The following ANKRD6 variants were observed in gnomAD, a reference collection of about 807,000 sequenced individuals.
ANKRD6 encodes ankyrin repeat domain 6.
A neutral mutation model predicts 82.3 loss-of-function variants in ANKRD6; 56 were observed. The ratio of observed to expected loss-of-function variants is 0.68; its 90% CI spans 0.55 to 0.85. The LOEUF (loss-of-function observed/expected upper bound fraction) is 0.85, where lower values mean the gene tolerates loss of function less well. ANKRD6 is among the 40% of genes least tolerant of loss of function. ANKRD6 has a pLI of 0.00. For synonymous variants in ANKRD6, 347 were observed against 352.1 expected (o/e 0.99, Z 0.16); for missense variants, 852 against 907.6 (o/e 0.94, Z 0.79).
chr6:89,538,464 T>C (rs1050667915), intron 1 of ANKRD6, among the ~76,000 whole-genome samples: 1 of 152,198 alleles, frequency 6.6e-6, no homozygotes, highest in African/African-American at 2.4e-5. Flanking sequence ...AAGGTGCTGC[T>C]ACAATACAGG....
chr6:89,459,998 A>G (rs1345643233), intron 1 of ANKRD6, among the ~76,000 whole-genome samples: 1 of 152,032 alleles, frequency 6.6e-6, no homozygotes, highest in Non-Finnish European at 1.5e-5. Context: ...CCTGGAGAGC[A>G]TACATTCTAA....
At chr6:89,592,357 C>T (rs1361241550) in intron 2 of ANKRD6, among the ~76,000 whole-genome samples, 1 of 152,076 alleles carries the variant, frequency 6.6e-6, no homozygotes, top group East Asian at 1.9e-4. Flanking sequence ...TACCTCGTGT[C>T]CTTATTTCAA....
intron 1 of ANKRD6, among the ~76,000 whole-genome samples, chr6:89,456,812 G>A (rs1172335578): frequency 6.6e-6 from 1 of 152,220 alleles, no homozygotes; most frequent in East Asian, 1.9e-4. Flanking sequence ...CCTGGATTAA[G>A]TAGGGTAAAA....
intron 1 of ANKRD6, among the ~76,000 whole-genome samples, chr6:89,489,177 C>G (rs910040151): frequency 6.6e-6 from 1 of 152,132 alleles, no homozygotes; most frequent in Non-Finnish European, 1.5e-5. Flanking sequence ...CAAGGCAGAG[C>G]TCTTTGTGTT....
At chr6:89,598,023 C>T in intron 3 of ANKRD6, 10 of 834,008 alleles carry the variant, frequency 1.2e-5, no homozygotes, top group Non-Finnish European at 1.4e-5. Context: ...AGTTACCTGT[C>T]TTGGATGGTG....
At chr6:89,484,488 A>G (rs565132904) in intron 1 of ANKRD6, among the ~76,000 whole-genome samples, 1 of 152,332 alleles carries the variant, frequency 6.6e-6, no homozygotes, top group South Asian at 2.1e-4. Flanking sequence ...TTTGTTTGGT[A>G]AAGTTTTCCC....
At chr6:89,630,306 C>A in intron 15 of ANKRD6, 127 bp from the exon 16 acceptor site, 2 of 1,111,534 alleles carry the variant, frequency 1.8e-6, no homozygotes, top group Admixed American at 2.9e-5. Context: ...AGACGTTACA[C>A]ATGGTGGGTG....
In ANKRD6 at chr6:89,570,024, TTTTA is replaced by T. The variant is rs1344410823; in HGVS notation, c.120+2934_120+2937del. Among the ~76,000 whole-genome samples the T allele has an allele frequency of 2.0e-5, 3 of 151,418 alleles. No homozygotes were observed. In the Admixed American group the frequency reaches 2.0e-4, roughly 10 times the overall value. ...TTTTTTAGTGAAGTCAAGTTTAATATTTTATTTATGTTATACTCGTGTGTGTGTA... is the reference window on the plus strand; with the variant it reads ...TTTTTTAGTGAAGTCAAGTTTAATATTTTATGTTATACTCGTGTGTGTGTA... On this transcript the variant is annotated intron_variant, in intron 2 of 15. Transcript: ENST00000339746.
intron 1 of ANKRD6, among the ~76,000 whole-genome samples, chr6:89,481,257 G>A (rs1178137291): frequency 3.9e-5 from 6 of 152,044 alleles, no homozygotes; most frequent in African/African-American, 1.2e-4. Context: ...TAGCAAAATG[G>A]GTACTCTCAT....
At chr6:89,441,172 A>G (rs559448997) in intron 1 of ANKRD6, among the ~76,000 whole-genome samples, 103 of 151,996 alleles carry the variant, frequency 6.8e-4, no homozygotes, top group African/African-American at 2.5e-3. Flanking sequence ...TTTTTTTGAG[A>G]CAGAGTCTCG....
At chr6:89,594,874 CTG>C (rs1795567282) in intron 2 of ANKRD6, among the ~76,000 whole-genome samples, 1 of 152,032 alleles carries the variant, frequency 6.6e-6, no homozygotes, top group Non-Finnish European at 1.5e-5. Context: ...TCCTAGGTAG[CTG>C]GGACTACAGG....
At chr6:89,525,209 A>C (rs546422106) in intron 1 of ANKRD6, among the ~76,000 whole-genome samples, 14 of 150,798 alleles carry the variant, frequency 9.3e-5, no homozygotes, top group African/African-American at 3.2e-4. Flanking sequence ...CAGGAGAATC[A>C]CTTGAACCTG....
chr6:89,608,107 T>TA (rs1396307835), intron 5 of ANKRD6, among the ~76,000 whole-genome samples: 1 of 152,202 alleles, frequency 6.6e-6, no homozygotes, highest in East Asian at 1.9e-4. Flanking sequence ...AAAAAAGCGT[T>TA]ATCAGTACTC....
intron 1 of ANKRD6, chr6:89,478,051 G>T (rs1776289517): frequency 6.6e-6 from 1 of 152,134 alleles, no homozygotes; most frequent in Non-Finnish European, 1.5e-5. Flanking sequence ...TTAGAGATGG[G>T]ATCTCTACAG....
chr6:89,440,615 A>G (rs764424974), intron 1 of ANKRD6, among the ~76,000 whole-genome samples: 1 of 152,144 alleles, frequency 6.6e-6, no homozygotes, highest in Non-Finnish European at 1.5e-5. Flanking sequence ...ATATCCTGAT[A>G]CTTTTCATTG....
At chr6:89,614,699 T>C (rs758799594) in intron 7 of ANKRD6, among the ~76,000 whole-genome samples, 2 of 152,056 alleles carry the variant, frequency 1.3e-5, no homozygotes, top group African/African-American at 4.8e-5. Flanking sequence ...GAGTGGCATG[T>C]GCCTGTAGTT....
At chr6:89,605,912 TG>T in intron 4 of ANKRD6, 94 bp from the exon 5 acceptor site, 1 of 802,464 alleles carries the variant, frequency 1.2e-6, no homozygotes, top group Non-Finnish European at 1.8e-6. Context: ...AAAGGCCGTC[TG>T]GTGTTCCGTA....
chr6:89,460,431 G>T (rs1322753900), intron 1 of ANKRD6, among the ~76,000 whole-genome samples: 1 of 151,556 alleles, frequency 6.6e-6, no homozygotes, highest in Non-Finnish European at 1.5e-5. Context: ...AGATTAGCAA[G>T]TTTTTTTTGT....
chr6:89,445,093 G>A (rs1206941120), intron 1 of ANKRD6, among the ~76,000 whole-genome samples: 1 of 152,000 alleles, frequency 6.6e-6, no homozygotes, highest in Non-Finnish European at 1.5e-5. Flanking sequence ...TGTTTTTCAC[G>A]AATTGAAGGC....
Sources: allele counts gnomAD v4.1 joint callset (sites outside exome capture counted in the v4.1 genomes callset), GRCh38; gene constraint gnomAD v4.1.1; transcripts MANE v1.5; gene names NCBI Gene and HGNC (gene_info 2026-07-23, HGNC 2026-07-21).